Variants in ATP5ME observed in about 807,000 individuals in gnomAD.
The protein encoded by ATP5ME is ATP synthase F(0) complex subunit e, mitochondrial.
Under a neutral mutation model 11.6 loss-of-function variants are expected in ATP5ME, and 10 were observed. That is an observed-to-expected ratio of 0.86 (90% CI 0.53 to 1.46). ATP5ME has a LOEUF of 1.46. Among genes scored for constraint, ATP5ME ranks in the 40% most tolerant of loss-of-function variants. The pLI is 0.00. For synonymous variants in ATP5ME, 45 were observed against 33.5 expected (o/e 1.34, Z -1.19); for missense variants, 115 against 85.4 (o/e 1.35, Z -1.37).
In ATP5ME at chr4:673,420, G is replaced by C; in HGVS notation, c.92-19C>G. On this transcript the variant is annotated intron_variant, in intron 2 of 3. Transcript: ENST00000304312. ...AGGTAATCTGTTTGGCGGAATGCAG[G>C]AGAATAAAATTCACTGGAAATGCTG... The C allele has an allele frequency of 6.2e-7, 1 of 1,613,986 alleles. No individual in the cohort carries two copies. Among genetic ancestry groups the C allele is most frequent in the Non-Finnish European group, 8.5e-7 (1 of 1,179,982 alleles).
intron 3 of ATP5ME, among the ~76,000 whole-genome samples, chr4:672,867 C>G (rs1738591782): frequency 6.6e-6 from 1 of 152,222 alleles, no homozygotes; most frequent in Admixed American, 6.5e-5. Flanking sequence ...CATGCCTCAG[C>G]TTTCTGAGTA....
rs1738632770 is a variant in ATP5ME, at chr4:673,527, G to A, written c.92-126C>T. The A allele has an allele frequency of 2.0e-6, 3 of 1,493,034 alleles. No homozygotes were observed. In the East Asian group the frequency reaches 7.1e-5, roughly 35 times the overall value. 92.5% of individuals were successfully genotyped at this position (1,493,034 alleles called of 1,614,324 possible). ...CGCACCTGCTGTTCCCGCTCTTTAT[G>A]TTAATGCGAGTCAACGCCTGACCTT... is the stretch of plus-strand genomic sequence containing the variant. On this transcript the variant is annotated intron_variant, in intron 2 of 3. Transcript: ENST00000304312.
At chr4:672,590 CCAGT>C (rs1237956079) in intron 3 of ATP5ME, 71 bp from the exon 4 acceptor site, 25 of 1,486,504 alleles carry the variant, frequency 1.7e-5, no homozygotes, top group Non-Finnish European at 2.3e-5. Context: ...CTTCAGCTTC[CCAGT>C]TATTTTTTTT....
intron 2 of ATP5ME, 106 bp from the exon 3 acceptor site, chr4:673,507 C>T (rs1738631857): frequency 5.1e-6 from 8 of 1,564,550 alleles, no homozygotes; most frequent in Non-Finnish European, 6.9e-6. Flanking sequence ...CCAGACGCAC[C>T]TGCTGTTCCC....
At chr4:673,252 CCCTGCACAAA>C in intron 3 of ATP5ME, 41 bp downstream of exon 3, 1 of 1,613,632 alleles carries the variant, frequency 6.2e-7, no homozygotes, top group African/African-American at 1.3e-5. Context: ...TTTTCCTTAT[CCCTGCACAAA>C]CCTGGGAGGG....
chr4:673,038 G>A (rs986679487), intron 3 of ATP5ME, among the ~76,000 whole-genome samples: 1 of 152,140 alleles, frequency 6.6e-6, no homozygotes, highest in Non-Finnish European at 1.5e-5. Context: ...ATGAGCCACC[G>A]CACCGGGCCA....
intron 2 of ATP5ME, 125 bp from the exon 3 acceptor site, chr4:673,526 T>C (rs1352434567): frequency 2.0e-6 from 3 of 1,507,508 alleles, no homozygotes; most frequent in Non-Finnish European, 2.7e-6. Flanking sequence ...CCGCTCTTTA[T>C]GTTAATGCGA....
chr4:673,733 G>A (rs2109304222), intron 2 of ATP5ME, 179 bp downstream of exon 2: 3 of 1,009,888 alleles, frequency 3.0e-6, no homozygotes, highest in East Asian at 5.2e-5. Flanking sequence ...CCGGGCCTCA[G>A]AAGCCTGAGC....
intron 2 of ATP5ME, 170 bp downstream of exon 2, chr4:673,742 G>C (rs2109304238): frequency 9.4e-7 from 1 of 1,065,300 alleles, no homozygotes; most frequent in Non-Finnish European, 1.4e-6. Flanking sequence ...AGAAGCCTGA[G>C]CTTTGGGTGA....
rs1219335688 is a variant in ATP5ME at position 673,315 on chromosome 4, C to T, written c.178G>A (p.Glu60Lys). The part of the protein sequence containing the change: ...KQDELKRIAR[E>K]LAEDDSILK The stretch of plus-strand genomic sequence containing the variant: ...GTGTCACTCGTACCTTCTGCCAATT[C>T]TCTGGCAATCCGTTTCAGTTCATCC... Residue 60 changes from glutamate to lysine, a missense_variant, in exon 3 of 4, where the codon GAA (glutamate) becomes AAA (lysine). Physicochemically the swap from Glu to Lys is moderately conservative, Grantham distance 56 (BLOSUM62 1). Transcript: ENST00000304312. The T allele has an allele frequency of 4.3e-6, 7 of 1,614,076 alleles. No homozygotes were observed. The African/African-American group carries it at 5.3e-5, about 12-fold the overall frequency.
chr4:673,868 A>G (rs1738646784), intron 2 of ATP5ME, 44 bp downstream of exon 2: 4 of 1,543,258 alleles, frequency 2.6e-6, no homozygotes, highest in African/African-American at 1.4e-5. Context: ...GCTCCACAGG[A>G]AAGCCGAGCA....
chr4:674,168 G>C (rs774439449), intron 1 of ATP5ME, 44 bp downstream of exon 1: 1 of 1,601,550 alleles, frequency 6.2e-7, no homozygotes, highest in African/African-American at 1.3e-5. Flanking sequence ...GCGGGACACG[G>C]GGGGGCCCAG....
rs575174687 is a variant in ATP5ME at position 673,207 on chromosome 4, G to A, written c.190+96C>T. ...CAGCTTCCCCATTTTTAAACAATCC[G>A]CATCTACTTAGCTCTGCTTAAATGT... On this transcript the variant is annotated intron_variant, in intron 3 of 3. Transcript: ENST00000304312. 101 of 1,574,912 alleles carry A rather than the reference G, an allele frequency of 6.4e-5. 2 individuals are homozygous for A. The South Asian group carries it at 8.1e-4, about 13-fold the overall frequency.
chr4:673,076 G>A (rs569977986), intron 3 of ATP5ME, among the ~76,000 whole-genome samples: 5 of 152,348 alleles, frequency 3.3e-5, no homozygotes, highest in Non-Finnish European at 5.9e-5. Flanking sequence ...TAGAGACAGG[G>A]TTGCACCATG....
At chr4:674,154 C>A in intron 1 of ATP5ME, 58 bp downstream of exon 1, 1 of 663,712 alleles carries the variant, frequency 1.5e-6, no homozygotes, top group South Asian at 2.8e-5. Context: ...GTCGGAGCTG[C>A]GGGGCGGGAC....
chr4:674,228 A>G lies in ATP5ME; in HGVS notation c.20T>C (p.Val7Ala), dbSNP rs200242644. ...CTGGATCACCTTGATGAGCGGAGAG[A>G]CCTGCACCGGTGGCACCATCTTGTC... MVPPVQ[V>A]SPLIKLGRYS... is the part of the protein sequence containing the mutation. The change falls in exon 1 of 4, where the codon GTC (valine) becomes GCC (alanine). Residue 7 changes from valine to alanine, a missense_variant. Val to Ala is a moderately conservative substitution (Grantham distance 64). Transcript: ENST00000304312. 2.2e-5 allele frequency: 35 copies of G among 1,611,748 alleles called. No individual in the cohort carries two copies. The highest frequency in any genetic ancestry group is 2.9e-5 in the Non-Finnish European group (34 of 1,179,374).
rs1738674653 is a variant in ATP5ME, at chr4:674,244, C to G, written c.4G>C (p.Val2Leu). ...AGCGGAGAGACCTGCACCGGTGGCACCATCTTGTCCCTGACCTCCGCACCG... is the reference window on the plus strand; with the variant it reads ...AGCGGAGAGACCTGCACCGGTGGCAGCATCTTGTCCCTGACCTCCGCACCG... M[V>L]PPVQVSPLIK... Residue 2 changes from valine (V) to leucine (L), a missense_variant, in exon 1 of 4, where the codon GTG becomes CTG. Coordinates refer to ENST00000304312, the MANE Select transcript of ATP5ME (RefSeq NM_007100.4). 1 of 1,611,692 alleles carries G rather than the reference C, an allele frequency of 6.2e-7. No homozygotes were observed. The highest frequency in any genetic ancestry group is 8.5e-7 in the Non-Finnish European group (1 of 1,179,310).
At position 673,325 on chromosome 4, in the gene ATP5ME, C is replaced by T. The variant is rs370751906; in HGVS notation, c.168G>A (p.Arg56=). ...EEKKKQDELK[R]IARELAEDDS... The stretch of plus-strand genomic sequence containing the variant: ...TACCTTCTGCCAATTCTCTGGCAAT[C>T]CGTTTCAGTTCATCCTGCTTCTTCT... The change falls in exon 3 of 4, where the codon CGG becomes CGA. Residue 56 remains arginine, a synonymous_variant. Transcript: ENST00000304312. 3.7e-6 allele frequency: 6 copies of T among 1,614,114 alleles called. No homozygotes were observed. Among genetic ancestry groups the T allele is most frequent in the African/African-American group, 1.3e-5 (1 of 74,952 alleles).
chr4:673,115 C>T (rs1738601497), intron 3 of ATP5ME, among the ~76,000 whole-genome samples, 188 bp downstream of exon 3: 1 of 152,254 alleles, frequency 6.6e-6, no homozygotes. Flanking sequence ...AACTCCTAAC[C>T]TCAGGTGATC....
Sources: gnomAD v4.1 joint callset for allele counts (sites outside exome capture counted in the v4.1 genomes callset) on GRCh38, gnomAD v4.1.1 for gene constraint, MANE v1.5 for transcripts, NCBI Gene and HGNC (gene_info 2026-07-23, HGNC 2026-07-21) for gene names.